RNF40: variants seen among roughly 807,000 people sequenced by gnomAD.
The protein encoded by RNF40 is ring finger protein 40.
RNF40 carries 39 observed loss-of-function variants against 123.3 expected under a neutral mutation model. The ratio of observed to expected loss-of-function variants is 0.32; its 90% CI spans 0.24 to 0.41. The LOEUF (loss-of-function observed/expected upper bound fraction) is 0.41, where lower values mean the gene tolerates loss of function less well. Ranked by LOEUF, RNF40 falls within the 10% of genes least tolerant of loss-of-function variation. RNF40 has a pLI of 1.00. For synonymous variants in RNF40, 538 were observed against 526.0 expected (o/e 1.02, Z -0.31); for missense variants, 1,003 against 1,319.9 (o/e 0.76, Z 3.72).
intron 8 of RNF40, among the ~76,000 whole-genome samples, chr16:30,765,765 T>C (rs2054017443): frequency 6.6e-6 from 1 of 152,266 alleles, no homozygotes; most frequent in South Asian, 2.1e-4. Context: ...CTTTAGGTTC[T>C]ACTTGTGGTA....
At chr16:30,772,933 C>T (rs779409330) in intron 19 of RNF40, among the ~76,000 whole-genome samples, 5 of 152,014 alleles carry the variant, frequency 3.3e-5, no homozygotes, top group Non-Finnish European at 4.4e-5. Context: ...TGCTTGGACT[C>T]GGGGGTGGAT....
At position 30,772,326 on chromosome 16, in the gene RNF40, C is replaced by G. The variant is rs1161119229; in HGVS notation, c.2829+136C>G. 4 of 763,952 alleles carry G rather than the reference C, an allele frequency of 5.2e-6. No individual in the cohort carries two copies. In the Admixed American group the frequency reaches 8.0e-5, roughly 15 times the overall value. The allele number at this position is 763,952 out of a possible 1,614,324, so 47.3% of individuals were successfully genotyped here. ...GTGGGCAGCACAGTGGTCACAGAGT[C>G]AAATGCTGTTTGCTGTACATGTACT... On this transcript the variant is annotated intron_variant, in intron 19 of 19. Transcript: ENST00000324685.
chr16:30,771,574 G>T (rs141042528), intron 17 of RNF40, among the ~76,000 whole-genome samples: 1 of 152,228 alleles, frequency 6.6e-6, no homozygotes, highest in Non-Finnish European at 1.5e-5. Flanking sequence ...CTGAGATCGT[G>T]TCACTGGACT....
chr16:30,761,732 G>A (rs1426623756), upstream of RNF40: 6 of 1,525,348 alleles, frequency 3.9e-6, no homozygotes, highest in African/African-American at 1.4e-5. Context: ...AAAGTGGCTG[G>A]TCTTGCGGTT....
chr16:30,767,594 C>G (rs967175468), intron 11 of RNF40: 1 of 269,516 alleles, frequency 3.7e-6, no homozygotes, highest in Non-Finnish European at 7.1e-6. Flanking sequence ...CACTTGAGGC[C>G]AGGAATTTGA....
intron 2 of RNF40, 175 bp downstream of exon 2, chr16:30,762,852 A>G (rs1247461672): frequency 4.5e-6 from 4 of 896,694 alleles, no homozygotes; most frequent in Non-Finnish European, 6.7e-6. Context: ...TTCCCTTTAC[A>G]GATAGGAAAA....
chr16:30,765,740 A>T (rs1450939883), intron 8 of RNF40, among the ~76,000 whole-genome samples: 2 of 152,274 alleles, frequency 1.3e-5, no homozygotes, highest in African/African-American at 2.4e-5. Context: ...ACAAGAAATA[A>T]ATAAAAGAAT....
At chr16:30,764,611 T>C (rs558177619) in intron 5 of RNF40, among the ~76,000 whole-genome samples, 8 of 152,312 alleles carry the variant, frequency 5.3e-5, no homozygotes, top group African/African-American at 1.7e-4. Flanking sequence ...TTGATGCCGG[T>C]AGAGGCTCCT....
At chr16:30,764,603 G>C (rs1178595520) in intron 5 of RNF40, among the ~76,000 whole-genome samples, 5 of 152,214 alleles carry the variant, frequency 3.3e-5, no homozygotes, top group Non-Finnish European at 7.3e-5. Context: ...AGGAGTTGTT[G>C]ATGCCGGTAG....
chr16:30,769,706 T>C, intron 17 of RNF40, 106 bp downstream of exon 17: 1 of 1,303,862 alleles, frequency 7.7e-7, no homozygotes, highest in African/African-American at 1.5e-5. Flanking sequence ...GAAGCCAGGC[T>C]GTCACAGAAC....
At position 30,775,719 on chromosome 16, in the gene RNF40, G is replaced by A. The variant is rs1175472912; in HGVS notation, c.*1605G>A. 1 of 152,602 alleles carries A rather than the reference G, an allele frequency of 6.6e-6. No homozygotes were observed. The highest frequency in any genetic ancestry group is 1.9e-4 in the East Asian group (1 of 5,198). The allele number at this position is 152,602 out of a possible 1,614,324, so 9.5% of individuals were successfully genotyped here. On this transcript the variant is annotated 3_prime_UTR_variant, in exon 20 of 20. Transcript: ENST00000324685. ...CCGGGCGGATCCTTCACCGAGGCAG[G>A]ACTGGGGCTGGCGCCAGAGCCGGTG...
In RNF40 at chr16:30,768,771, AG is replaced by A; in HGVS notation, c.2097+37del. On this transcript the variant is annotated intron_variant, in intron 14 of 19. Transcript: ENST00000324685. The surrounding 1 kb of genome is among the most constrained non-coding windows in gnomAD (Gnocchi z 4.1). ...GCTGGGGCTTGTGGGGCATTCAGAA[AG>A]GCAGAGCAGAGTCCTAGCTCAGCAG... The A allele has an allele frequency of 6.2e-7, 1 of 1,613,844 alleles. No individual in the cohort carries two copies. The highest frequency in any genetic ancestry group is 8.5e-7 in the Non-Finnish European group (1 of 1,179,898).
chr16:30,768,334 G>A lies in RNF40; in HGVS notation c.1783G>A (p.Gly595Arg). Residue 595 changes from glycine (G) to arginine (R), a missense_variant, in exon 13 of 20, where the codon GGG becomes AGG. Transcript: ENST00000324685. This position sits in a 1 kb window ranked among gnomAD's most constrained non-coding sequence, Gnocchi z 4.1. The stretch of plus-strand genomic sequence containing the variant: ...AGAGGACTTCCAGGGTATAACCCCT[G>A]GGGCCCAGGGCCCTTCCTCCCGGGG... ...SEEDFQGITPGAQGPSSRGRE... is the reference protein window; with the variant it reads ...SEEDFQGITPRAQGPSSRGRE... The A allele has an allele frequency of 3.7e-6, 6 of 1,613,352 alleles. No homozygotes were observed. Among genetic ancestry groups the A allele is most frequent in the Non-Finnish European group, 4.2e-6 (5 of 1,179,762 alleles).
upstream of RNF40, chr16:30,762,188 G>A (rs1175975327): frequency 3.1e-6 from 1 of 320,134 alleles, no homozygotes; most frequent in Non-Finnish European, 5.7e-6. Context: ...GACCCGAGTG[G>A]CGGGACCAAG....
Position 30,774,219 on chromosome 16 carries a change from T to C in RNF40, c.*105T>C. 4.0e-6 allele frequency: 5 copies of C among 1,236,578 alleles called. No homozygotes were observed. The highest frequency in any genetic ancestry group is 5.6e-6 in the Non-Finnish European group (5 of 898,864). 76.6% of individuals were successfully genotyped at this position (1,236,578 alleles called of 1,614,324 possible). On this transcript the variant is annotated 3_prime_UTR_variant, in exon 20 of 20. Coordinates refer to ENST00000324685, the MANE Select transcript of RNF40 (RefSeq NM_014771.4). ...GCCCCACCCTCCATTCCGGACCCCA[T>C]GGGCCCAGCCCCTGCCCATCTAGTT...
intron 17 of RNF40, 66 bp from the exon 18 acceptor site, chr16:30,771,767 C>T (rs535555365): frequency 5.7e-5 from 85 of 1,490,548 alleles, no homozygotes; most frequent in Admixed American, 5.6e-4. Context: ...ATTGGTGGGC[C>T]GTGACTCCAC....
upstream of RNF40, chr16:30,762,284 G>GGGGCAGTGGCGTCCAGTGAC: frequency 2.2e-6 from 1 of 453,202 alleles, no homozygotes; most frequent in Admixed American, 4.3e-5. Flanking sequence ...CGTTGGGGGG[G>GGGGCAGTGGCGTCCAGTGAC]GGGCAGTGGC....
chr16:30,769,670 G>C, intron 17 of RNF40, 70 bp downstream of exon 17: 1 of 1,451,486 alleles, frequency 6.9e-7, no homozygotes, highest in Non-Finnish European at 9.1e-7. Flanking sequence ...GTTCTGCTCA[G>C]AGCACCCGAT....
chr16:30,770,102 G>T (rs1293411649), intron 17 of RNF40, among the ~76,000 whole-genome samples: 2 of 54,802 alleles, frequency 3.6e-5, no homozygotes, highest in Non-Finnish European at 7.5e-5. Context: ...TCTGTCCCTA[G>T]GGAAAAAAAA....
Sources: allele counts gnomAD v4.1 joint callset (sites outside exome capture counted in the v4.1 genomes callset), GRCh38; gene constraint gnomAD v4.1.1; non-coding constraint Gnocchi (gnomAD v3.1); transcripts MANE v1.5; gene names NCBI Gene and HGNC (gene_info 2026-07-23, HGNC 2026-07-21).